Variants in AGMO observed in about 807,000 individuals in gnomAD.
The protein encoded by AGMO is glyceryl-ether monooxygenase.
A neutral mutation model predicts 60.2 loss-of-function variants in AGMO; 75 were observed. The observed-to-expected ratio is 1.25, with a 90% CI of 1.03 to 1.51. AGMO has a LOEUF of 1.51. AGMO is among the 40% of genes most tolerant of loss of function. The pLI is 0.00. For synonymous variants in AGMO, 261 were observed against 177.1 expected (o/e 1.47, Z -3.76); for missense variants, 763 against 525.5 (o/e 1.45, Z -4.42).
intron 4 of AGMO, among the ~76,000 whole-genome samples, chr7:15,428,415 C>T (rs1562501946): frequency 6.6e-6 from 1 of 152,176 alleles, no homozygotes; most frequent in Non-Finnish European, 1.5e-5. Flanking sequence ...CCTTATTCAG[C>T]ACATTCCCTA....
rs75073772 is a variant in AGMO at position 15,446,701 on chromosome 7, T to G, written c.410-15593A>C. 4.7e-3 allele frequency among the ~76,000 whole-genome samples: 713 copies of G among 152,360 alleles called. 5 individuals are homozygous for G. The highest frequency in any genetic ancestry group is 0.016 in the African/African-American group (677 of 41,578). On this transcript the variant is annotated intron_variant, in intron 3 of 12. Transcript: ENST00000342526. Reference sequence around the variant, plus strand: ...AACATGGCAATTTAAGTAATTTCAGTGCATATTTATCCTTGAGATACTTAT... The same window carrying G: ...AACATGGCAATTTAAGTAATTTCAGGGCATATTTATCCTTGAGATACTTAT...
chr7:15,364,155 G>A (rs1417584743), intron 12 of AGMO, among the ~76,000 whole-genome samples: 1 of 151,568 alleles, frequency 6.6e-6, no homozygotes, highest in Non-Finnish European at 1.5e-5. Flanking sequence ...TACCCCTATG[G>A]TTTAGAGGTT....
intron 12 of AGMO, among the ~76,000 whole-genome samples, chr7:15,237,628 A>G (rs1782464812): frequency 6.6e-6 from 1 of 152,066 alleles, no homozygotes; most frequent in African/African-American, 2.4e-5. Context: ...ATCAAGATAA[A>G]AGTTAGAATG....
chr7:15,414,462 G>C (rs566839261), intron 5 of AGMO, among the ~76,000 whole-genome samples: 26 of 146,700 alleles, frequency 1.8e-4, no homozygotes, highest in Admixed American at 1.1e-3. Flanking sequence ...TTAATCCCTA[G>C]AATAGACACA....
intron 12 of AGMO, among the ~76,000 whole-genome samples, chr7:15,313,852 A>C (rs1449759246): frequency 6.6e-6 from 1 of 152,120 alleles, no homozygotes; most frequent in Non-Finnish European, 1.5e-5. Context: ...GTTCTGTAAT[A>C]AAAGTTATGC....
chr7:15,478,962 G>T (rs1338829085), intron 3 of AGMO, among the ~76,000 whole-genome samples: 2 of 152,070 alleles, frequency 1.3e-5, no homozygotes, highest in African/African-American at 4.8e-5. Flanking sequence ...ACTTAATCTT[G>T]TATAGTAACT....
chr7:15,560,393 G>A (rs1785272250), intron 1 of AGMO, 122 bp from the exon 2 acceptor site: 1 of 995,120 alleles, frequency 1.0e-6, no homozygotes, highest in African/African-American at 1.6e-5. Context: ...GGAGATGGTA[G>A]ACACTCATTT....
the AGMO span, among the ~76,000 whole-genome samples, chr7:15,183,064 T>C: frequency 6.6e-6 from 1 of 152,008 alleles, no homozygotes; most frequent in Admixed American, 6.5e-5. Flanking sequence ...GGGATTACAA[T>C]TTGACATGAG....
At chr7:15,453,972 T>C (rs1406451108) in intron 3 of AGMO, among the ~76,000 whole-genome samples, 2 of 148,292 alleles carry the variant, frequency 1.3e-5, no homozygotes, top group African/African-American at 2.4e-5. Flanking sequence ...CATGTAATTA[T>C]ATATTATATA....
intron 8 of AGMO, among the ~76,000 whole-genome samples, chr7:15,389,137 C>A (rs557576166): frequency 6.6e-6 from 1 of 152,178 alleles, no homozygotes; most frequent in Non-Finnish European, 1.5e-5. Flanking sequence ...TGAAAGAAAT[C>A]ACCCATCAAC....
chr7:15,517,881 G>A (rs544778346), intron 3 of AGMO, among the ~76,000 whole-genome samples: 1 of 152,208 alleles, frequency 6.6e-6, no homozygotes, highest in East Asian at 1.9e-4. Flanking sequence ...TTGCTCAGAG[G>A]ATCCCACCCC....
chr7:15,557,639 C>A (rs766395979), intron 2 of AGMO, among the ~76,000 whole-genome samples: 16 of 151,062 alleles, frequency 1.1e-4, no homozygotes, highest in Admixed American at 1.3e-4. Context: ...TATTTTTCAC[C>A]ATAGTTTTAT....
At chr7:15,237,237 T>G (rs1782450475) in intron 12 of AGMO, among the ~76,000 whole-genome samples, 1 of 152,078 alleles carries the variant, frequency 6.6e-6, no homozygotes, top group East Asian at 1.9e-4. Flanking sequence ...GTGGAGAAAT[T>G]GTGTTTACCA....
At position 15,270,337 on chromosome 7, in the gene AGMO, T is replaced by G. The variant is rs79204718; in HGVS notation, c.1264-68978A>C. Among the ~76,000 whole-genome samples the G allele has an allele frequency of 1.1e-4, 17 of 152,138 alleles. No individual in the cohort carries two copies. The East Asian group carries it at 3.3e-3, about 29-fold the overall frequency. ...ACATTCTGAATGGTATGAGATGATA[T>G]CATATTGAGATTTTAATTTACATTT... On this transcript the variant is annotated intron_variant, in intron 12 of 12. Coordinates refer to ENST00000342526, the MANE Select transcript of AGMO (RefSeq NM_001004320.2).
chr7:15,349,951 G>A (rs967202082), intron 12 of AGMO, among the ~76,000 whole-genome samples: 4 of 152,234 alleles, frequency 2.6e-5, no homozygotes, highest in African/African-American at 4.8e-5. Flanking sequence ...TGAGACTTGG[G>A]TGGGGACACA....
intron 2 of AGMO, among the ~76,000 whole-genome samples, chr7:15,550,394 G>A (rs1004797503): frequency 3.3e-5 from 5 of 151,994 alleles, no homozygotes; most frequent in Admixed American, 6.6e-5. Context: ...TTTTTGAAAG[G>A]ATCAACAAAA....
At chr7:15,206,341 A>G (rs1435728642) in intron 12 of AGMO, among the ~76,000 whole-genome samples, 2 of 116,476 alleles carry the variant, frequency 1.7e-5, no homozygotes, top group Non-Finnish European at 4.0e-5. Context: ...AATATTCTAT[A>G]TATACAAACA....
chr7:15,293,661 A>C (rs898102719), intron 12 of AGMO, among the ~76,000 whole-genome samples: 18 of 152,184 alleles, frequency 1.2e-4, no homozygotes, highest in African/African-American at 4.3e-4. Flanking sequence ...TGTTCAAAGA[A>C]AGATCAGTAT....
chr7:15,560,081 G>A (rs572724426), intron 2 of AGMO, 60 bp downstream of exon 2: 4 of 1,412,378 alleles, frequency 2.8e-6, no homozygotes, highest in South Asian at 3.5e-5. Context: ...GGGTTCCTTT[G>A]CCCCTCATAC....
Sources: gnomAD v4.1 joint callset for allele counts (sites outside exome capture counted in the v4.1 genomes callset) on GRCh38, gnomAD v4.1.1 for gene constraint, MANE v1.5 for transcripts, NCBI Gene and HGNC (gene_info 2026-07-23, HGNC 2026-07-21) for gene names.